PCDH15: variants seen among roughly 807,000 people sequenced by gnomAD.
The protein encoded by PCDH15 is protocadherin-15.
A neutral mutation model predicts 178.5 loss-of-function variants in PCDH15; 129 were observed. That is an observed-to-expected ratio of 0.72 (90% CI 0.63 to 0.84). The LOEUF is 0.84. PCDH15 is among the 40% of genes least tolerant of loss of function. The pLI is 0.00. For missense variants in PCDH15, 2,230 were observed against 2,099.9 expected (o/e 1.06, Z -1.21); for synonymous variants, 800 against 732.0 (o/e 1.09, Z -1.50).
intron 2 of PCDH15, among the ~76,000 whole-genome samples, chr10:54,911,402 C>T (rs1954811186): frequency 6.6e-6 from 1 of 152,152 alleles, no homozygotes; most frequent in African/African-American, 2.4e-5. Flanking sequence ...AAAGTTTAGA[C>T]ATGCTTAGAT....
chr10:54,940,119 G>T (rs2131862548), intron 2 of PCDH15, among the ~76,000 whole-genome samples: 1 of 151,814 alleles, frequency 6.6e-6, no homozygotes, highest in Admixed American at 6.6e-5. Context: ...GTGTCTTTAG[G>T]TTTAAGTTAG....
At chr10:55,567,155 C>T (rs1056109965) in intron 2 of PCDH15, among the ~76,000 whole-genome samples, 6 of 151,780 alleles carry the variant, frequency 4.0e-5, no homozygotes, top group South Asian at 2.1e-4. Flanking sequence ...TTTTCAATTA[C>T]GGTGTCAAGA....
chr10:53,924,140 A>G (rs371650908), intron 25 of PCDH15, among the ~76,000 whole-genome samples: 2,117 of 151,472 alleles, frequency 0.014, 36 homozygotes, highest in African/African-American at 0.045. Flanking sequence ...TGGGCTGGCC[A>G]AGGCCGGAGC....
intron 3 of PCDH15, among the ~76,000 whole-genome samples, chr10:54,502,861 T>A (rs959999780): frequency 6.6e-6 from 1 of 152,102 alleles, no homozygotes; most frequent in African/African-American, 2.4e-5. Flanking sequence ...ATTAGCTTTA[T>A]GAGATTGTAA....
upstream of PCDH15, among the ~76,000 whole-genome samples, chr10:54,803,838 A>C (rs1387967424): frequency 6.6e-6 from 1 of 152,222 alleles, no homozygotes; most frequent in East Asian, 1.9e-4. Flanking sequence ...TAAAACATTT[A>C]AACATTGATG....
Position 53,831,329 on chromosome 10 carries a change from C to G in PCDH15, c.4188G>C (p.Leu1396Phe), listed in dbSNP as rs1207583441. The change falls in exon 30 of 38, where the codon TTG (leucine) becomes TTC (phenylalanine). Residue 1396 changes from leucine (L) to phenylalanine (F), a missense_variant. By Grantham distance (22) the Leu-to-Phe change is conservative. Transcript: ENST00000644397. ...LCCIPAILVV[L>F]VSYRQFKVRQ... ...TGAATACTTACTGTCTGTAGCTGAC[C>G]AAAACCACCAAGATGGCAGGAATGC... 1 of 1,613,936 alleles carries G rather than the reference C, an allele frequency of 6.2e-7. No individual in the cohort carries two copies. The highest frequency in any genetic ancestry group is 8.5e-7 in the Non-Finnish European group (1 of 1,180,022).
At chr10:55,465,717 A>T (rs1014146003) in intron 2 of PCDH15, among the ~76,000 whole-genome samples, 2 of 152,154 alleles carry the variant, frequency 1.3e-5, no homozygotes, top group Admixed American at 6.5e-5. Context: ...GAGCTACCAG[A>T]AACATTCCTA....
Position 55,182,373 on chromosome 10 carries a change from T to C in PCDH15, c.-155-15722A>G, listed in dbSNP as rs146709403. Among the ~76,000 whole-genome samples the C allele has an allele frequency of 1.2e-3, 185 of 152,048 alleles. 1 individual carries two copies. Among genetic ancestry groups the C allele is most frequent in the African/African-American group, 4.3e-3 (178 of 41,522 alleles). ...TTCTCTTACCACCTAAACAAACACA[T>C]ATGTACATGCACACACACACTTGCA... On this transcript the variant is annotated intron_variant, in intron 1 of 5. Coordinates refer to the PCDH15 transcript ENST00000458638.
intron 15 of PCDH15, among the ~76,000 whole-genome samples, chr10:54,118,778 A>AT (rs71007808): frequency 0.24 from 36,641 of 150,658 alleles, 7,307 homozygotes; most frequent in African/African-American, 0.55. Context: ...TTTTATTTTT[A>AT]TTTTTTTTTG....
At chr10:54,861,295 C>T (rs1230453207) in intron 3 of PCDH15, among the ~76,000 whole-genome samples, 1 of 152,140 alleles carries the variant, frequency 6.6e-6, no homozygotes, top group African/African-American at 2.4e-5. Context: ...AACATTACAT[C>T]TGATCCCCAG....
chr10:55,308,864 A>T (rs2132286345), intron 1 of PCDH15, among the ~76,000 whole-genome samples: 1 of 152,288 alleles, frequency 6.6e-6, no homozygotes. Flanking sequence ...TTTCAAAGGT[A>T]AGCTATTTTG....
chr10:54,780,441 C>G lies in PCDH15; in HGVS notation c.-29+20484G>C, dbSNP rs557042131. The stretch of plus-strand genomic sequence containing the variant: ...GGGAACTGGGAGAACTGTTTGTTCT[C>G]AAGAGGAGACGTGAAACCCGAAATA... On this transcript the variant is annotated intron_variant, in intron 1 of 37. Coordinates refer to ENST00000644397, the MANE Select transcript of PCDH15 (RefSeq NM_001384140.1). 2.0e-5 allele frequency among the ~76,000 whole-genome samples: 3 copies of G among 152,234 alleles called. No homozygotes were observed. The South Asian group carries it at 6.2e-4, about 32-fold the overall frequency.
chr10:54,259,518 A>G (rs2057161349), intron 8 of PCDH15, among the ~76,000 whole-genome samples: 1 of 152,220 alleles, frequency 6.6e-6, no homozygotes, highest in South Asian at 2.1e-4. Flanking sequence ...GGAGACTAAG[A>G]GAAGATAAGA....
At chr10:54,397,987 A>C (rs1951458312) in intron 3 of PCDH15, among the ~76,000 whole-genome samples, 1 of 151,928 alleles carries the variant, frequency 6.6e-6, no homozygotes, top group African/African-American at 2.4e-5. Context: ...TCACTATCCC[A>C]GTTGGTCACA....
chr10:55,084,374 A>G lies in PCDH15; in HGVS notation c.-80+82202T>C, dbSNP rs1431881964. ...GCTTAGAGACTGATTATTCATATAC[A>G]GAAGAATGAAACTAGACCCCTATCT... On this transcript the variant is annotated intron_variant, in intron 2 of 5. Coordinates refer to the PCDH15 transcript ENST00000458638. Among the ~76,000 whole-genome samples, 4 of 151,508 alleles carry G rather than the reference A, an allele frequency of 2.6e-5. No homozygotes were observed. The East Asian group carries it at 7.8e-4, about 30-fold the overall frequency.
At chr10:54,883,402 A>G (rs1164546976) in intron 3 of PCDH15, among the ~76,000 whole-genome samples, 2 of 152,054 alleles carry the variant, frequency 1.3e-5, no homozygotes, top group Non-Finnish European at 2.9e-5. Flanking sequence ...ATGAATGATT[A>G]TTCTGGATGC....
chr10:55,265,311 G>GATATATATATATATATATAT (rs146070132), intron 1 of PCDH15, among the ~76,000 whole-genome samples: 253 of 144,184 alleles, frequency 1.8e-3, no homozygotes, highest in African/African-American at 6.5e-3. Context: ...GTATCTCTAT[G>GATATATATATATATATATAT]ATATATATAT....
intron 3 of PCDH15, among the ~76,000 whole-genome samples, chr10:54,513,876 T>A (rs561570040): frequency 6.6e-6 from 1 of 152,144 alleles, no homozygotes; most frequent in Non-Finnish European, 1.5e-5. Context: ...CTCACAGAAA[T>A]TGCATGTAAT....
At chr10:54,282,487 C>CT (rs574462397) in intron 8 of PCDH15, among the ~76,000 whole-genome samples, 260 of 152,208 alleles carry the variant, frequency 1.7e-3, no homozygotes, top group African/African-American at 6.0e-3. Context: ...GGGAACATCT[C>CT]TGATTATAAA....
Sources: gnomAD v4.1 joint callset for allele counts (sites outside exome capture counted in the v4.1 genomes callset) on GRCh38, gnomAD v4.1.1 for gene constraint, MANE v1.5 for transcripts, NCBI Gene and HGNC (gene_info 2026-07-23, HGNC 2026-07-21) for gene names.